The following DPP10 variants were observed in gnomAD, a reference collection of about 807,000 sequenced individuals.
DPP10 encodes the protein dipeptidyl peptidase like 10.
In DPP10, 33 loss-of-function variants were observed where a neutral mutation model predicts 120.9. The observed-to-expected ratio is 0.27, with a 90% CI of 0.21 to 0.37. The LOEUF is 0.37. Ranked by LOEUF, DPP10 falls within the 10% of genes least tolerant of loss-of-function variation. DPP10 has a pLI of 1.00. For synonymous variants in DPP10, 337 were observed against 326.1 expected (o/e 1.03, Z -0.36); for missense variants, 816 against 942.8 (o/e 0.87, Z 1.76).
At chr2:114,625,075 T>C (rs1694409351) in intron 1 of DPP10, among the ~76,000 whole-genome samples, 1 of 152,038 alleles carries the variant, frequency 6.6e-6, no homozygotes, top group Non-Finnish European at 1.5e-5. Flanking sequence ...CTGCTCAAAA[T>C]TATATTAAAT....
chr2:114,806,666 A>G (rs1684742088), intron 1 of DPP10, among the ~76,000 whole-genome samples: 1 of 152,192 alleles, frequency 6.6e-6, no homozygotes, highest in African/African-American at 2.4e-5. Flanking sequence ...AATTTTACCT[A>G]TTTCCTAACC....
chr2:114,890,318 G>A (rs1015351683), intron 1 of DPP10, among the ~76,000 whole-genome samples: 8 of 152,090 alleles, frequency 5.3e-5, no homozygotes, highest in Non-Finnish European at 1.0e-4. Flanking sequence ...TGGGGAAAAG[G>A]CAATTTATAC....
intron 1 of DPP10, among the ~76,000 whole-genome samples, chr2:114,573,149 A>G (rs1689787365): frequency 6.6e-6 from 1 of 152,044 alleles, no homozygotes. Context: ...TGCCCAGCTA[A>G]TGTTTCCAGT....
At chr2:115,650,756 AT>A (rs2087697458) in intron 5 of DPP10, among the ~76,000 whole-genome samples, 10 of 151,938 alleles carry the variant, frequency 6.6e-5, no homozygotes, top group Admixed American at 5.9e-4. Flanking sequence ...GTGCCCATGC[AT>A]TTTTGCCCAT....
intron 5 of DPP10, among the ~76,000 whole-genome samples, chr2:115,573,613 A>G (rs2081479376): frequency 9.1e-6 from 1 of 109,936 alleles, no homozygotes; most frequent in Non-Finnish European, 1.7e-5. Flanking sequence ...TTTGAGACAG[A>G]GTCTCACTCT....
intron 4 of DPP10, among the ~76,000 whole-genome samples, chr2:115,505,225 A>G (rs2076878766): frequency 6.6e-6 from 1 of 151,986 alleles, no homozygotes; most frequent in African/African-American, 2.4e-5. Flanking sequence ...TAAGTAATAT[A>G]TAAATAAAAT....
At chr2:114,999,693 C>T (rs1701315313) in intron 1 of DPP10, among the ~76,000 whole-genome samples, 1 of 152,106 alleles carries the variant, frequency 6.6e-6, no homozygotes, top group East Asian at 1.9e-4. Flanking sequence ...TAATACTAAA[C>T]ACAGGTGCTC....
chr2:115,595,868 A>G (rs1188723747), intron 5 of DPP10, among the ~76,000 whole-genome samples: 1 of 152,020 alleles, frequency 6.6e-6, no homozygotes, highest in Non-Finnish European at 1.5e-5. Flanking sequence ...TAACCTTTTT[A>G]CACGTCCTAC....
intron 1 of DPP10, among the ~76,000 whole-genome samples, chr2:115,162,747 C>T (rs2104980962): frequency 6.6e-6 from 1 of 152,186 alleles, no homozygotes; most frequent in Non-Finnish European, 1.5e-5. Flanking sequence ...TCTTTCCCGT[C>T]CGTCTACACC....
chr2:114,450,813 C>T (rs1389196368), intron 1 of DPP10, among the ~76,000 whole-genome samples: 1 of 151,650 alleles, frequency 6.6e-6, no homozygotes, highest in African/African-American at 2.4e-5. Flanking sequence ...CCCTGTTGTT[C>T]TTCTTTGGAG....
intron 3 of DPP10, among the ~76,000 whole-genome samples, chr2:115,361,099 C>G (rs2106351352): frequency 6.6e-6 from 1 of 152,184 alleles, no homozygotes; most frequent in Non-Finnish European, 1.5e-5. Flanking sequence ...CAGGCAGAGG[C>G]TGAGGATGGC....
chr2:114,897,777 G>A (rs1693155149), intron 1 of DPP10, among the ~76,000 whole-genome samples: 1 of 152,150 alleles, frequency 6.6e-6, no homozygotes, highest in Non-Finnish European at 1.5e-5. Flanking sequence ...TTAGAGAAAT[G>A]CAAATCAAAA....
intron 5 of DPP10, among the ~76,000 whole-genome samples, chr2:115,596,348 C>CCA (rs2082986196): frequency 6.6e-6 from 1 of 152,048 alleles, no homozygotes; most frequent in African/African-American, 2.4e-5. Context: ...AACTATGAAA[C>CCA]TATGTGAGGT....
intron 1 of DPP10, among the ~76,000 whole-genome samples, chr2:115,142,151 A>C (rs1316892058): frequency 6.6e-6 from 1 of 152,214 alleles, no homozygotes; most frequent in Non-Finnish European, 1.5e-5. Context: ...ATATATATAG[A>C]CAGCCAGATA....
At position 115,402,915 on chromosome 2, in the gene DPP10, GTGTATATATATA is replaced by G. The variant is rs1231594467; in HGVS notation, c.271+59019_271+59030del. On this transcript the variant is annotated intron_variant, in intron 3 of 25. Coordinates refer to ENST00000410059, the MANE Select transcript of DPP10 (RefSeq NM_020868.6). ...TGTATATATATATGTATATATATGTGTGTATATATATATGTATATATATATGTGTGTGTGTAT... is the reference window on the plus strand; with the variant it reads ...TGTATATATATATGTATATATATGTGTGTATATATATATGTGTGTGTGTAT... Among the ~76,000 whole-genome samples the G allele has an allele frequency of 9.2e-4, 127 of 138,032 alleles. 1 individual carries two copies. Among genetic ancestry groups the G allele is most frequent in the African/African-American group, 3.3e-3 (118 of 35,560 alleles). 90.6% of individuals were successfully genotyped at this position (138,032 alleles called of 152,430 possible).
intron 1 of DPP10, among the ~76,000 whole-genome samples, chr2:114,594,109 C>A (rs1052849551): frequency 6.6e-6 from 1 of 151,952 alleles, no homozygotes; most frequent in Non-Finnish European, 1.5e-5. Context: ...GAAAGGCAGA[C>A]CCACCCTTAA....
chr2:115,248,149 G>C (rs997535785), intron 1 of DPP10, among the ~76,000 whole-genome samples: 1 of 152,150 alleles, frequency 6.6e-6, no homozygotes, highest in African/African-American at 2.4e-5. Flanking sequence ...ACACCATGAA[G>C]ATTTGTCCTG....
At chr2:115,456,203 G>GA (rs1215534901) in intron 3 of DPP10, among the ~76,000 whole-genome samples, 1 of 152,152 alleles carries the variant, frequency 6.6e-6, no homozygotes, top group East Asian at 1.9e-4. Flanking sequence ...TCAAACATAT[G>GA]AAAAAAAGCT....
At chr2:114,709,330 C>G (rs770403468) in intron 1 of DPP10, among the ~76,000 whole-genome samples, 1 of 152,154 alleles carries the variant, frequency 6.6e-6, no homozygotes, top group East Asian at 1.9e-4. Context: ...CTCTCTCCAG[C>G]CTAGGTGTGG....
Sources: gnomAD v4.1 joint callset for allele counts (sites outside exome capture counted in the v4.1 genomes callset) on GRCh38, gnomAD v4.1.1 for gene constraint, MANE v1.5 for transcripts, NCBI Gene and HGNC (gene_info 2026-07-23, HGNC 2026-07-21) for gene names.